LARGE1: variants seen among roughly 807,000 people sequenced by gnomAD.
LARGE1 encodes the protein LARGE xylosyl- and glucuronyltransferase 1.
In LARGE1, 43 loss-of-function variants were observed where a neutral mutation model predicts 87.6. The ratio of observed to expected loss-of-function variants is 0.49; its 90% CI spans 0.38 to 0.63. The LOEUF is 0.63. Ranked by LOEUF, LARGE1 falls within the 30% of genes least tolerant of loss-of-function variation. The pLI is 0.00. For synonymous variants in LARGE1, 434 were observed against 394.6 expected (o/e 1.10, Z -1.18); for missense variants, 802 against 1,000.2 (o/e 0.80, Z 2.67).
At chr22:33,370,633 T>C (rs1377082334) in intron 9 of LARGE1, among the ~76,000 whole-genome samples, 5 of 152,070 alleles carry the variant, frequency 3.3e-5, no homozygotes, top group Admixed American at 3.3e-4. Flanking sequence ...AAGATCTTTG[T>C]GTATGTATGT....
At chr22:33,884,197 C>T (rs890148704) in intron 1 of LARGE1, among the ~76,000 whole-genome samples, 3 of 152,224 alleles carry the variant, frequency 2.0e-5, no homozygotes, top group Non-Finnish European at 4.4e-5. Context: ...CAAGGCCATG[C>T]GGTTGGCCTC....
chr22:33,265,422 C>G (rs1341487480), intron 11 of LARGE1, among the ~76,000 whole-genome samples: 1 of 152,180 alleles, frequency 6.6e-6, no homozygotes, highest in Non-Finnish European at 1.5e-5. Flanking sequence ...CGTCTTGACA[C>G]CTATTGTGGC....
chr22:33,118,767 C>G, the LARGE1 span, among the ~76,000 whole-genome samples: 1 of 152,150 alleles, frequency 6.6e-6, no homozygotes, highest in East Asian at 1.9e-4. Flanking sequence ...TCAATACCAC[C>G]TGATAATGAC....
chr22:33,758,585 A>C (rs930082942), intron 2 of LARGE1, among the ~76,000 whole-genome samples: 41 of 152,208 alleles, frequency 2.7e-4, no homozygotes, highest in Non-Finnish European at 5.9e-5. Context: ...ATGTTGCCTC[A>C]AAGTATTTTC....
At chr22:33,097,580 A>T in the LARGE1 span, among the ~76,000 whole-genome samples, 1 of 152,224 alleles carries the variant, frequency 6.6e-6, no homozygotes, top group Non-Finnish European at 1.5e-5. Flanking sequence ...GCTGTATCTT[A>T]ATAGCCTCTG....
intron 6 of LARGE1, among the ~76,000 whole-genome samples, chr22:33,486,952 CT>C (rs1280938771): frequency 6.6e-6 from 1 of 152,172 alleles, no homozygotes; most frequent in Non-Finnish European, 1.5e-5. Context: ...TAACTGTGCT[CT>C]TATTGTAATT....
chr22:33,911,167 G>A (rs2065625228), intron 1 of LARGE1, among the ~76,000 whole-genome samples: 1 of 152,194 alleles, frequency 6.6e-6, no homozygotes, highest in Admixed American at 6.5e-5. Flanking sequence ...AGAGCATGCT[G>A]CAGAGAAGGG....
chr22:33,243,982 TTTTTG>T (rs910472729), intron 11 of LARGE1, among the ~76,000 whole-genome samples: 11 of 152,018 alleles, frequency 7.2e-5, no homozygotes, highest in Admixed American at 3.9e-4. Context: ...GGTTTACAGT[TTTTTG>T]TTTTGTTTTG....
intron 2 of LARGE1, among the ~76,000 whole-genome samples, chr22:33,722,451 T>C (rs368895121): frequency 6.6e-6 from 1 of 152,128 alleles, no homozygotes; most frequent in African/African-American, 2.4e-5. Context: ...AGGTCAATGA[T>C]GTGGTGATGA....
At chr22:33,801,809 C>A (rs533189212) in intron 1 of LARGE1, among the ~76,000 whole-genome samples, 9 of 152,062 alleles carry the variant, frequency 5.9e-5, no homozygotes, top group Non-Finnish European at 1.2e-4. Flanking sequence ...CCTGATACCC[C>A]CCGCTTCCCC....
intron 6 of LARGE1, among the ~76,000 whole-genome samples, chr22:33,514,658 C>A (rs576316755): frequency 1.3e-5 from 2 of 152,128 alleles, no homozygotes; most frequent in Non-Finnish European, 2.9e-5. Flanking sequence ...TTGGTATCCA[C>A]GGGGTTCCTG....
At chr22:33,597,500 G>A (rs755462418) in intron 5 of LARGE1, among the ~76,000 whole-genome samples, 8 of 152,140 alleles carry the variant, frequency 5.3e-5, no homozygotes, top group Non-Finnish European at 1.2e-4. Context: ...GAAGATTACA[G>A]TTCTCTAAAG....
At chr22:33,903,535 T>C (rs1380316105) in intron 1 of LARGE1, among the ~76,000 whole-genome samples, 1 of 151,344 alleles carries the variant, frequency 6.6e-6, no homozygotes, top group Admixed American at 6.6e-5. Context: ...TCCTTAAAAG[T>C]CTTGAAATTG....
At chr22:33,878,125 A>ATTTTTTTTTTTT (rs1601836110) in intron 1 of LARGE1, among the ~76,000 whole-genome samples, 2 of 51,236 alleles carry the variant, frequency 3.9e-5, no homozygotes, top group Admixed American at 2.1e-4. Context: ...TTTATATTGT[A>ATTTTTTTTTTTT]TTTCTTTTTT....
At chr22:33,426,571 A>T (rs2066886857) in intron 7 of LARGE1, among the ~76,000 whole-genome samples, 1 of 152,220 alleles carries the variant, frequency 6.6e-6, no homozygotes, top group African/African-American at 2.4e-5. Flanking sequence ...AAGCTATTTA[A>T]CAGTTCTTTG....
intron 6 of LARGE1, chr22:33,563,215 T>C (rs750029173): frequency 2.6e-5 from 4 of 152,206 alleles, no homozygotes; most frequent in Non-Finnish European, 5.9e-5. Context: ...AAGGCCTTTA[T>C]TCCCAAAGGA....
intron 1 of LARGE1, among the ~76,000 whole-genome samples, chr22:33,786,882 G>A (rs973234356): frequency 1.3e-4 from 20 of 151,990 alleles, no homozygotes; most frequent in Middle Eastern, 3.2e-3. Context: ...TTAGCCAGGC[G>A]TGGTGGCGCC....
rs911401458 is a variant in LARGE1 at position 33,908,186 on chromosome 22, T to G, written c.-83+11809A>C. ...AATCTAAAACGACAACAACAACCATTTATTGTATTGACTGCATGTTCCAGG... is the reference window on the plus strand; with the variant it reads ...AATCTAAAACGACAACAACAACCATGTATTGTATTGACTGCATGTTCCAGG... On this transcript the variant is annotated intron_variant, in intron 1 of 14. Coordinates refer to ENST00000397394, the MANE Select transcript of LARGE1 (RefSeq NM_133642.5). 3.9e-5 allele frequency among the ~76,000 whole-genome samples: 6 copies of G among 152,022 alleles called. No individual in the cohort carries two copies. In the South Asian group the frequency reaches 1.2e-3, roughly 32 times the overall value.
chr22:33,266,609 TTAAA>T (rs1431913878), intron 11 of LARGE1, among the ~76,000 whole-genome samples: 17 of 151,706 alleles, frequency 1.1e-4, no homozygotes, highest in Non-Finnish European at 4.4e-5. Context: ...CCATTGCTGA[TTAAA>T]TAAGAAAATG....
Sources: gnomAD v4.1 joint callset for allele counts (sites outside exome capture counted in the v4.1 genomes callset) on GRCh38, gnomAD v4.1.1 for gene constraint, MANE v1.5 for transcripts, NCBI Gene and HGNC (gene_info 2026-07-23, HGNC 2026-07-21) for gene names.